NDUFC1: variants seen among roughly 807,000 people sequenced by gnomAD.
The protein encoded by NDUFC1 is NADH dehydrogenase [ubiquinone] 1 subunit C1, mitochondrial.
In NDUFC1, 11 loss-of-function variants were observed where a neutral mutation model predicts 11.6. That is an observed-to-expected ratio of 0.95 (90% CI 0.60 to 1.58). The LOEUF (loss-of-function observed/expected upper bound fraction) is 1.58, where lower values mean the gene tolerates loss of function less well. Among genes scored for constraint, NDUFC1 ranks in the 40% most tolerant of loss-of-function variants. The pLI is 0.00. For synonymous variants in NDUFC1, 52 were observed against 42.2 expected, an observed-to-expected ratio of 1.23 and a Z score of -0.90; for missense variants, 112 against 93.0, an observed-to-expected ratio of 1.20 and a Z score of -0.84.
chr4:139,301,843 G>A, intron 1 of NDUFC1: 1 of 1,585,800 alleles, frequency 6.3e-7, no homozygotes. Context: ...TAAGTGTGAG[G>A]CTCCGGGCAA....
intron 4 of NDUFC1, 149 bp from the exon 5 acceptor site, chr4:139,292,758 T>A (rs1307603365): frequency 2.7e-6 from 1 of 377,142 alleles, no homozygotes; most frequent in Non-Finnish European, 4.7e-6. Flanking sequence ...AGGAATGGTA[T>A]AAACTTGCTC....
chr4:139,295,609 C>A (rs2110772531), intron 3 of NDUFC1, 123 bp downstream of exon 3: 2 of 1,090,482 alleles, frequency 1.8e-6, no homozygotes, highest in East Asian at 5.4e-5. Context: ...CTTGGGTCGT[C>A]TGCCGGCGAA....
intron 3 of NDUFC1, among the ~76,000 whole-genome samples, chr4:139,295,372 T>G (rs960304061): frequency 6.6e-6 from 1 of 152,092 alleles, no homozygotes; most frequent in Non-Finnish European, 1.5e-5. Flanking sequence ...AAGCCTCGTT[T>G]AAGGGCTTGC....
Position 139,295,759 on chromosome 4 carries a change from G to C in NDUFC1, c.40C>G (p.Leu14Val). ...SALLRPLSRL[L>V]APARLPSGPS... is the part of the protein sequence containing the mutation. ...CCGCTCGGGAGCCTGGCGGGGGCCAGCAGCCGGGAAAGGGGACGCAGCAAG... is the reference window on the plus strand; with the variant it reads ...CCGCTCGGGAGCCTGGCGGGGGCCACCAGCCGGGAAAGGGGACGCAGCAAG... Residue 14 changes from leucine to valine, a missense_variant, in exon 3 of 6, where the codon CTG becomes GTG. Leu to Val is a conservative substitution (Grantham distance 32). Transcript: ENST00000394223. 6.4e-7 allele frequency: 1 copy of C among 1,552,798 alleles called. No homozygotes were observed. The highest frequency in any genetic ancestry group is 1.7e-4 in the Middle Eastern group (1 of 5,958).
chr4:139,297,929 G>T (rs943624231), intron 1 of NDUFC1, among the ~76,000 whole-genome samples: 1 of 152,114 alleles, frequency 6.6e-6, no homozygotes, highest in Non-Finnish European at 1.5e-5. Context: ...AATTAGCTGG[G>T]TGTGGTGGTG....
chr4:139,295,820 T>C lies in NDUFC1; in HGVS notation c.-22A>G. On this transcript the variant is annotated 5_prime_UTR_variant, in exon 3 of 6. Transcript: ENST00000394223. Reference sequence around the variant, plus strand: ...CCATCTTGCGTGGCCCAGCTCAGTCTCTCCGAGTTGGCAACAGAACCAGCG... The same window carrying C: ...CCATCTTGCGTGGCCCAGCTCAGTCCCTCCGAGTTGGCAACAGAACCAGCG... 4 of 1,543,294 alleles carry C rather than the reference T, an allele frequency of 2.6e-6. No individual in the cohort carries two copies. The highest frequency in any genetic ancestry group is 2.6e-6 in the Non-Finnish European group (3 of 1,144,180).
chr4:139,291,445 C>T (rs994986300), intron 5 of NDUFC1, among the ~76,000 whole-genome samples: 7 of 151,876 alleles, frequency 4.6e-5, no homozygotes, highest in East Asian at 2.0e-4. Context: ...CGTGGTAGCG[C>T]GCACCTGTAG....
rs1467067076 is a variant in NDUFC1 at position 139,290,037 on chromosome 4, C to G, written c.*76G>C. ...CATATAACTTTTTCTCTCACATTTACAACTCAACAGATGGTGAATCCAGAG... is the reference window on the plus strand; with the variant it reads ...CATATAACTTTTTCTCTCACATTTAGAACTCAACAGATGGTGAATCCAGAG... On this transcript the variant is annotated 3_prime_UTR_variant, in exon 6 of 6. Coordinates refer to ENST00000394223, the MANE Select transcript of NDUFC1 (RefSeq NM_001184989.2). 1 of 151,814 alleles carries G rather than the reference C, an allele frequency of 6.6e-6. No individual in the cohort carries two copies. The highest frequency in any genetic ancestry group is 1.5e-5 in the Non-Finnish European group (1 of 67,988). 9.4% of individuals were successfully genotyped at this position (151,814 alleles called of 1,614,324 possible).
At chr4:139,301,386 C>A (rs1257886206) in intron 1 of NDUFC1, 4 of 420,446 alleles carry the variant, frequency 9.5e-6, no homozygotes, top group Non-Finnish European at 1.7e-5. Context: ...CACAGGCAGG[C>A]CAGCCTCCAG....
In NDUFC1 at chr4:139,294,175, C is replaced by T. The variant is rs549876016; in HGVS notation, c.171+868G>A. ...AGCCAGGATGGTCTGGATCTCTTGA[C>T]CTCGTGATCCGCCCACCTTGGCCTC... On this transcript the variant is annotated intron_variant, in intron 4 of 5. Transcript: ENST00000394223. Among the ~76,000 whole-genome samples, 8 of 151,828 alleles carry T rather than the reference C, an allele frequency of 5.3e-5. No individual in the cohort carries two copies. The East Asian group carries it at 1.4e-3, about 26-fold the overall frequency.
At position 139,301,655 on chromosome 4, in the gene NDUFC1, C is replaced by T. The variant is rs1176295511; in HGVS notation, c.-222+761G>A. ...AGGGCAACGCGGCGACACCCGAGGC[C>T]TGGTGGTGGCGGCGGATCGAGATAT... On this transcript the variant is annotated intron_variant, in intron 1 of 5. Coordinates refer to ENST00000394223, the MANE Select transcript of NDUFC1 (RefSeq NM_001184989.2). The T allele has an allele frequency of 5.1e-6, 6 of 1,171,698 alleles. No individual in the cohort carries two copies. The African/African-American group carries it at 6.1e-5, about 12-fold the overall frequency. The allele number at this position is 1,171,698 out of a possible 1,614,324, so 72.6% of individuals were successfully genotyped here.
intron 2 of NDUFC1, 35 bp from the exon 3 acceptor site, chr4:139,295,995 G>A: frequency 1.9e-6 from 1 of 540,350 alleles, no homozygotes; most frequent in African/African-American, 2.0e-5. Context: ...ATAATTAAAA[G>A]AAAAAAGAGT....
intron 5 of NDUFC1, among the ~76,000 whole-genome samples, chr4:139,291,908 C>T (rs1745235961): frequency 6.6e-6 from 1 of 151,498 alleles, no homozygotes; most frequent in Admixed American, 6.6e-5. Context: ...ACGATCTTGG[C>T]TCACTGCAAA....
At chr4:139,296,050 G>A (rs565993889) in intron 2 of NDUFC1, 90 bp from the exon 3 acceptor site, 65 of 496,254 alleles carry the variant, frequency 1.3e-4, no homozygotes, top group African/African-American at 1.2e-3. Flanking sequence ...CCATCTCTAC[G>A]GCTATTCATC....
intron 1 of NDUFC1, among the ~76,000 whole-genome samples, chr4:139,298,705 GCT>G (rs951495428): frequency 3.3e-5 from 5 of 150,528 alleles, no homozygotes; most frequent in Non-Finnish European, 4.4e-5. Flanking sequence ...CAAGGTCTCA[GCT>G]CTGTTGCCCA....
chr4:139,293,930 A>ATTTTTTTTTTTTTTTTT (rs775805536), intron 4 of NDUFC1, among the ~76,000 whole-genome samples: 5 of 69,746 alleles, frequency 7.2e-5, no homozygotes, highest in African/African-American at 2.5e-4. Context: ...TGTGGTGTGA[A>ATTTTTTTTTTTTTTTTT]TTTTTTTTTT....
intron 4 of NDUFC1, among the ~76,000 whole-genome samples, chr4:139,294,098 C>T (rs1745352502): frequency 6.6e-6 from 1 of 151,906 alleles, no homozygotes; most frequent in Non-Finnish European, 1.5e-5. Flanking sequence ...CCCTTCGCTA[C>T]ACCTGGCTAA....
rs1290720202 is a variant in NDUFC1, at chr4:139,295,025, C to A, written c.171+18G>T. 6.9e-6 allele frequency: 11 copies of A among 1,589,862 alleles called. No homozygotes were observed. The highest frequency in any genetic ancestry group is 1.3e-5 in the African/African-American group (1 of 74,278). ...CACGCTGGTGTAGTCTCACGACATC[C>A]GGGAGTAAAGTACTTACATAGATCC... is the stretch of plus-strand genomic sequence containing the variant. On this transcript the variant is annotated intron_variant, in intron 4 of 5. Transcript: ENST00000394223.
intron 1 of NDUFC1, among the ~76,000 whole-genome samples, chr4:139,299,520 C>T (rs1303904531): frequency 6.6e-6 from 1 of 152,128 alleles, no homozygotes; most frequent in Non-Finnish European, 1.5e-5. Context: ...AGCATATAGC[C>T]TTGGATATGT....
Sources: allele counts gnomAD v4.1 joint callset (sites outside exome capture counted in the v4.1 genomes callset), GRCh38; gene constraint gnomAD v4.1.1; transcripts MANE v1.5; gene names NCBI Gene and HGNC (gene_info 2026-07-23, HGNC 2026-07-21).